The following CYP2R1 variants were observed in gnomAD, a reference collection of about 807,000 sequenced individuals.
CYP2R1 encodes the protein vitamin D 25-hydroxylase.
CYP2R1 carries 40 observed loss-of-function variants against 45.7 expected under a neutral mutation model. The ratio of observed to expected loss-of-function variants is 0.87; its 90% CI spans 0.68 to 1.14. CYP2R1 has a LOEUF of 1.14. CYP2R1 is among the 50% of genes most tolerant of loss of function. The pLI, the probability that CYP2R1 is intolerant of heterozygous loss-of-function variation, is 0.00. For missense variants in CYP2R1, 605 were observed against 602.6 expected (o/e 1.00, Z -0.04); for synonymous variants, 234 against 219.3 (o/e 1.07, Z -0.59).
chr11:14,885,893 T>G lies in CYP2R1; in HGVS notation c.250A>C (p.Ile84Leu), dbSNP rs782381294. ...GEIFSLDLGG[I>L]STVVLNGYDV... ...TAGCCATTTAGAACCACAGTTGATA[T>G]GCCTCCAAGATCTAAACTGAAGATC... Residue 84 changes from isoleucine to leucine, a missense_variant, in exon 2 of 5, where the codon ATA (isoleucine) becomes CTA (leucine). Transcript: ENST00000334636. 6.2e-6 allele frequency: 10 copies of G among 1,613,610 alleles called. No homozygotes were observed. Among genetic ancestry groups the G allele is most frequent in the Non-Finnish European group, 8.5e-6 (10 of 1,179,684 alleles).
In CYP2R1 at chr11:14,880,482, C is replaced by G; in HGVS notation, c.654G>C (p.Val218=). 6.2e-7 allele frequency: 1 copy of G among 1,613,432 alleles called. No individual in the cohort carries two copies. Among genetic ancestry groups the G allele is most frequent in the South Asian group, 1.1e-5 (1 of 91,068 alleles). Residue 218 remains valine, a synonymous_variant, in exon 3 of 5, where the codon GTG becomes GTC. Coordinates refer to ENST00000334636, the MANE Select transcript of CYP2R1 (RefSeq NM_024514.5). ...QHMIELFSEN[V]ELAASASVFL... Reference sequence around the variant, plus strand: ...AGACTGAGGCACTGGCAGCTAGTTCCACATTTTCACTAAATAACTCAATCA... The same window carrying G: ...AGACTGAGGCACTGGCAGCTAGTTCGACATTTTCACTAAATAACTCAATCA...
At chr11:14,880,107 G>T (rs781982968) in intron 3 of CYP2R1, 29 bp downstream of exon 3, 2 of 1,610,610 alleles carry the variant, frequency 1.2e-6, no homozygotes, top group South Asian at 2.2e-5. Context: ...TGTAAGGATA[G>T]ACCCTGAGAT....
In CYP2R1 at chr11:14,880,777, A is replaced by G; in HGVS notation, c.368-9T>C. 2 of 1,599,438 alleles carry G rather than the reference A, an allele frequency of 1.3e-6. No individual in the cohort carries two copies. Among genetic ancestry groups the G allele is most frequent in the Middle Eastern group, 1.7e-4 (1 of 5,864 alleles). Reference sequence around the variant, plus strand: ...TCTGGAATTGAGTAAGCCTGAAAAAAAATATTAAAATATTGTATAATTCCT... The same window carrying G: ...TCTGGAATTGAGTAAGCCTGAAAAAGAATATTAAAATATTGTATAATTCCT... On this transcript the variant is annotated splice_polypyrimidine_tract_variant and intron_variant, in intron 2 of 4. Transcript: ENST00000334636.
chr11:14,888,199 A>T (rs7936142), intron 1 of CYP2R1, among the ~76,000 whole-genome samples: 15,449 of 152,144 alleles, frequency 0.1, 1,011 homozygotes, highest in African/African-American at 0.18. Flanking sequence ...CTTTGAATAT[A>T]TTATATAATT....
chr11:14,880,098 G>T (rs1848316183), intron 3 of CYP2R1, 38 bp downstream of exon 3: 1 of 1,608,546 alleles, frequency 6.2e-7, no homozygotes, highest in South Asian at 1.1e-5. Flanking sequence ...AACCCTACAT[G>T]TAAGGATAGA....
At chr11:14,887,413 G>C (rs990115441) in intron 1 of CYP2R1, 2 of 178,438 alleles carry the variant, frequency 1.1e-5, no homozygotes, top group Non-Finnish European at 2.2e-5. Context: ...ATTTTTACTT[G>C]AACTAGTATG....
intron 1 of CYP2R1, chr11:14,891,188 C>G (rs1590236101): frequency 1.0e-6 from 1 of 985,456 alleles, no homozygotes. Flanking sequence ...CTGCCAGTCA[C>G]AGGGCATTTC....
chr11:14,888,769 G>C (rs1237301546), intron 1 of CYP2R1, among the ~76,000 whole-genome samples: 1 of 152,128 alleles, frequency 6.6e-6, no homozygotes, highest in Non-Finnish European at 1.5e-5. Flanking sequence ...ATTCAGTGCT[G>C]TGCATAAAGT....
At chr11:14,882,090 T>C (rs11023374) in intron 2 of CYP2R1, among the ~76,000 whole-genome samples, 31,505 of 152,068 alleles carry the variant, frequency 0.21, 4,245 homozygotes, top group Admixed American at 0.35. Context: ...TAGTCCATTC[T>C]TTTTTCTATA....
intron 1 of CYP2R1, chr11:14,887,522 G>T: frequency 1.3e-5 from 11 of 871,732 alleles, no homozygotes; most frequent in African/African-American, 1.8e-5. Context: ...AAGGGTACAA[G>T]ATTAGCTTAT....
At chr11:14,884,423 A>G (rs1490639134) in intron 2 of CYP2R1, among the ~76,000 whole-genome samples, 3 of 151,514 alleles carry the variant, frequency 2.0e-5, no homozygotes, top group Non-Finnish European at 4.4e-5. Flanking sequence ...TCAGTAAACT[A>G]TCGCAAGAAC....
In CYP2R1 at chr11:14,880,694, C is replaced by A; in HGVS notation, c.442G>T (p.Gly148Ter). ...RLAVNSFRYF[G>*]YGQKSFESKI... Reference sequence around the variant, plus strand: ...GATTCAAAAGACTTTTGGCCATATCCAAAATATCGAAAACTGTTTACAGCT... The same window carrying A: ...GATTCAAAAGACTTTTGGCCATATCAAAAATATCGAAAACTGTTTACAGCT... Residue 148 changes from glycine to a stop codon, truncating the protein, a stop_gained, in exon 3 of 5, where the codon GGA becomes TGA. Coordinates refer to ENST00000334636, the MANE Select transcript of CYP2R1 (RefSeq NM_024514.5). LOFTEE classifies it high-confidence loss of function. 1 of 1,596,274 alleles carries A rather than the reference C, an allele frequency of 6.3e-7. No homozygotes were observed. The highest frequency in any genetic ancestry group is 1.1e-5 in the South Asian group (1 of 87,320).
At chr11:14,884,704 TAAAA>T (rs1327359273) in intron 2 of CYP2R1, among the ~76,000 whole-genome samples, 1 of 151,596 alleles carries the variant, frequency 6.6e-6, no homozygotes, top group African/African-American at 2.4e-5. Flanking sequence ...AAATAAAAAT[TAAAA>T]AAAGAAATAA....
chr11:14,884,533 G>C (rs1264652800), intron 2 of CYP2R1, among the ~76,000 whole-genome samples: 8 of 122,420 alleles, frequency 6.5e-5, no homozygotes, highest in African/African-American at 1.2e-4. Context: ...GGACTGTTGT[G>C]GGGTGGGGGG....
rs1298547272 is a variant in CYP2R1 at position 14,877,454 on chromosome 11, A to T, written c.*668T>A. 2 of 152,148 alleles carry T rather than the reference A, an allele frequency of 1.3e-5. No individual in the cohort carries two copies. Among genetic ancestry groups the T allele is most frequent in the African/African-American group, 4.8e-5 (2 of 41,432 alleles). 9.4% of individuals were successfully genotyped at this position (152,148 alleles called of 1,614,324 possible). On this transcript the variant is annotated 3_prime_UTR_variant, in exon 5 of 5. Coordinates refer to ENST00000334636, the MANE Select transcript of CYP2R1 (RefSeq NM_024514.5). ...ATAGCCATTTATCATTTTAAATTTT[A>T]AATATATTATTGTAATGTCCTATCT...
At chr11:14,890,452 TC>T in intron 1 of CYP2R1, 2 of 982,626 alleles carry the variant, frequency 2.0e-6, no homozygotes, top group Non-Finnish European at 2.4e-6. Flanking sequence ...TCGTCCAGCT[TC>T]CCTTTAACAA....
At position 14,879,311 on chromosome 11, in the gene CYP2R1, C is replaced by A. The variant is rs782019465; in HGVS notation, c.1133G>T (p.Gly378Val). ...VLRFCNIVPL[G>V]IFHATSEDAV... ...ATCTTCAGAGGTTGCATGGAAAATCCCTAATGGAACTATATTACAGAATCT... is the reference window on the plus strand; with the variant it reads ...ATCTTCAGAGGTTGCATGGAAAATCACTAATGGAACTATATTACAGAATCT... Residue 378 changes from glycine (G) to valine (V), a missense_variant, in exon 4 of 5, where the codon GGG becomes GTG. Gly to Val is a moderately radical substitution (Grantham distance 109). Coordinates refer to ENST00000334636, the MANE Select transcript of CYP2R1 (RefSeq NM_024514.5). 1 of 1,613,138 alleles carries A rather than the reference C, an allele frequency of 6.2e-7. No homozygotes were observed. Among genetic ancestry groups the A allele is most frequent in the Non-Finnish European group, 8.5e-7 (1 of 1,179,520 alleles).
Position 14,880,249 on chromosome 11 carries a change from G to A in CYP2R1, c.887C>T (p.Ser296Phe). The change falls in exon 3 of 5, where the codon TCC becomes TTC. Residue 296 changes from serine to phenylalanine, a missense_variant. Coordinates refer to ENST00000334636, the MANE Select transcript of CYP2R1 (RefSeq NM_024514.5). Reference protein sequence around the residue: ...QGKNDPSSTFSKENLIFSVGE... With the variant: ...QGKNDPSSTFFKENLIFSVGE... Reference sequence around the variant, plus strand: ...CACTGAGAAAATTAGGTTTTCTTTGGAGAAAGTAGATGATGGGTCATTTTT... The same window carrying A: ...CACTGAGAAAATTAGGTTTTCTTTGAAGAAAGTAGATGATGGGTCATTTTT... 6.2e-7 allele frequency: 1 copy of A among 1,612,962 alleles called. No homozygotes were observed. Among genetic ancestry groups the A allele is most frequent in the South Asian group, 1.1e-5 (1 of 91,040 alleles).
At chr11:14,881,315 A>G (rs1437018767) in intron 2 of CYP2R1, among the ~76,000 whole-genome samples, 7 of 152,124 alleles carry the variant, frequency 4.6e-5, no homozygotes, top group African/African-American at 7.2e-5. Context: ...CTGAAGTCAA[A>G]AAAAGGGCAA....
Sources: allele counts gnomAD v4.1 joint callset (sites outside exome capture counted in the v4.1 genomes callset), GRCh38; gene constraint gnomAD v4.1.1; transcripts MANE v1.5; gene names NCBI Gene and HGNC (gene_info 2026-07-23, HGNC 2026-07-21).